Variants in SYNPO2 observed in about 807,000 individuals in gnomAD.
The protein encoded by SYNPO2 is synaptopodin 2.
A neutral mutation model predicts 85.0 loss-of-function variants in SYNPO2; 56 were observed. The observed-to-expected ratio is 0.66, with a 90% CI of 0.53 to 0.82. The LOEUF is 0.82. Among genes scored for constraint, SYNPO2 ranks in the 40% least tolerant of loss-of-function variants. The pLI, the probability that SYNPO2 is intolerant of heterozygous loss-of-function variation, is 0.00. For synonymous variants in SYNPO2, 602 were observed against 591.1 expected, an observed-to-expected ratio of 1.02 and a Z score of -0.27; for missense variants, 1,575 against 1,534.2, an observed-to-expected ratio of 1.03 and a Z score of -0.44.
intron 1 of SYNPO2, among the ~76,000 whole-genome samples, chr4:118,954,763 G>A (rs1373620934): frequency 6.6e-6 from 1 of 152,136 alleles, no homozygotes; most frequent in East Asian, 1.9e-4. Context: ...AAGGGAGTCT[G>A]TGAGGGAGAA....
chr4:119,035,895 A>G, intron 4 of SYNPO2: 1 of 985,086 alleles, frequency 1.0e-6, no homozygotes, highest in Non-Finnish European at 1.2e-6. Context: ...TCCTATTTGC[A>G]GTTACAAGGT....
At chr4:118,927,310 T>C (rs765437519) in intron 1 of SYNPO2, among the ~76,000 whole-genome samples, 5 of 152,168 alleles carry the variant, frequency 3.3e-5, no homozygotes, top group Non-Finnish European at 7.3e-5. Flanking sequence ...TTTCTTTCAT[T>C]GACTGTAGCT....
intron 1 of SYNPO2, among the ~76,000 whole-genome samples, chr4:118,861,375 G>A (rs1042854875): frequency 2.0e-5 from 3 of 152,096 alleles, no homozygotes; most frequent in Non-Finnish European, 4.4e-5. Context: ...GTTTCACCAT[G>A]TTAGCCACGA....
At chr4:119,034,282 A>T in intron 4 of SYNPO2, 15 of 985,362 alleles carry the variant, frequency 1.5e-5, no homozygotes, top group Non-Finnish European at 1.7e-5. Context: ...GAGGAAAGAC[A>T]TGGAACACAC....
At chr4:119,021,338 C>G (rs1407981685) in intron 1 of SYNPO2, among the ~76,000 whole-genome samples, 2 of 152,140 alleles carry the variant, frequency 1.3e-5, no homozygotes, top group Non-Finnish European at 2.9e-5. Context: ...TAGTGGGCAG[C>G]TTTTAGAGAT....
intron 4 of SYNPO2, among the ~76,000 whole-genome samples, chr4:119,052,935 A>T (rs6844137): frequency 0.33 from 50,857 of 152,050 alleles, 8,616 homozygotes; most frequent in African/African-American, 0.39. Context: ...GGTAAAGCTA[A>T]TTTAACATCT....
intron 1 of SYNPO2, among the ~76,000 whole-genome samples, chr4:118,988,234 T>C (rs1736288653): frequency 6.6e-6 from 1 of 152,248 alleles, no homozygotes; most frequent in African/African-American, 2.4e-5. Context: ...TAGCTTGTTG[T>C]ATTTGTTCTA....
intron 3 of SYNPO2, 60 bp from the exon 4 acceptor site, chr4:119,029,785 T>C: frequency 1.4e-6 from 2 of 1,479,038 alleles, no homozygotes; most frequent in East Asian, 2.3e-5. Context: ...TCTGAGTTGC[T>C]GTGGTGTCTT....
At chr4:118,989,656 T>C (rs531198784) in intron 1 of SYNPO2, among the ~76,000 whole-genome samples, 1 of 152,244 alleles carries the variant, frequency 6.6e-6, no homozygotes, top group African/African-American at 2.4e-5. Flanking sequence ...CATGCTTCCA[T>C]GGAATATCAT....
chr4:119,024,455 G>A (rs1737857725), intron 2 of SYNPO2, among the ~76,000 whole-genome samples: 1 of 152,014 alleles, frequency 6.6e-6, no homozygotes, highest in Non-Finnish European at 1.5e-5. Flanking sequence ...GAAACACTAC[G>A]CACAGTTACC....
chr4:119,011,294 G>A (rs928409257), intron 1 of SYNPO2, among the ~76,000 whole-genome samples: 1 of 152,188 alleles, frequency 6.6e-6, no homozygotes, highest in East Asian at 1.9e-4. Context: ...ACTCTACTTC[G>A]ATGCATATGT....
chr4:118,997,148 G>A (rs968226542), intron 1 of SYNPO2, among the ~76,000 whole-genome samples: 1 of 146,672 alleles, frequency 6.8e-6, no homozygotes, highest in African/African-American at 2.5e-5. Flanking sequence ...GCTGAGGCAG[G>A]AGAATGGCGT....
chr4:118,999,611 T>G (rs1024464348), intron 1 of SYNPO2, among the ~76,000 whole-genome samples: 5 of 129,704 alleles, frequency 3.9e-5, no homozygotes, highest in Non-Finnish European at 7.5e-5. Flanking sequence ...ATGTATTTAT[T>G]TATGTAGAGA....
At chr4:118,960,540 C>T (rs906113663) in intron 1 of SYNPO2, among the ~76,000 whole-genome samples, 5 of 152,100 alleles carry the variant, frequency 3.3e-5, no homozygotes, top group Non-Finnish European at 5.9e-5. Context: ...CTCTCATCTT[C>T]AAATTCCATC....
chr4:118,879,667 T>TGGA (rs1732035421), intron 1 of SYNPO2, among the ~76,000 whole-genome samples: 1 of 152,086 alleles, frequency 6.6e-6, no homozygotes, highest in Non-Finnish European at 1.5e-5. Context: ...GTTATGGCAG[T>TGGA]CCAAAGAGAC....
intron 1 of SYNPO2, among the ~76,000 whole-genome samples, chr4:119,023,085 A>T (rs375357020): frequency 1.3e-5 from 2 of 152,256 alleles, no homozygotes; most frequent in East Asian, 3.9e-4. Context: ...CTGAATAATT[A>T]TTTTTAATGC....
At chr4:119,035,655 G>A in intron 4 of SYNPO2, 1 of 985,256 alleles carries the variant, frequency 1.0e-6, no homozygotes, top group East Asian at 1.1e-4. Flanking sequence ...TTTAGCCATA[G>A]GAAAACCAAT....
intron 1 of SYNPO2, among the ~76,000 whole-genome samples, chr4:118,949,800 A>G (rs1578577860): frequency 6.6e-6 from 1 of 152,114 alleles, no homozygotes; most frequent in Non-Finnish European, 1.5e-5. Flanking sequence ...CATGTCAATC[A>G]CTGAACTAGG....
chr4:119,049,607 C>G (rs1738972635), intron 4 of SYNPO2, among the ~76,000 whole-genome samples: 1 of 152,208 alleles, frequency 6.6e-6, no homozygotes, highest in African/African-American at 2.4e-5. Context: ...CTTCTTTGTG[C>G]TAAGTAAACC....
Sources: gnomAD v4.1 joint callset for allele counts (sites outside exome capture counted in the v4.1 genomes callset) on GRCh38, gnomAD v4.1.1 for gene constraint, MANE v1.5 for transcripts, NCBI Gene and HGNC (gene_info 2026-07-23, HGNC 2026-07-21) for gene names.